IQCM: variants seen among roughly 807,000 people sequenced by gnomAD.
IQCM encodes IQ domain-containing protein M.
In IQCM, 45 loss-of-function variants were observed where a neutral mutation model predicts 57.6. The observed-to-expected ratio is 0.78, with a 90% CI of 0.62 to 1.00. The LOEUF (loss-of-function observed/expected upper bound fraction) is 1.00, where lower values mean the gene tolerates loss of function less well. Among genes scored for constraint, IQCM ranks in the 50% least tolerant of loss-of-function variants. The probability of loss-of-function intolerance (pLI) is 0.00; values close to 1 mark genes in which losing one functional copy is unlikely to be tolerated. For missense variants in IQCM, 468 were observed against 511.6 expected (o/e 0.91, Z 0.82); for synonymous variants, 148 against 158.9 (o/e 0.93, Z 0.51).
chr4:149,517,542 C>T (rs1242026454), intron 12 of IQCM, among the ~76,000 whole-genome samples: 1 of 152,094 alleles, frequency 6.6e-6, no homozygotes, highest in Non-Finnish European at 1.5e-5. Context: ...TGTATGGGTT[C>T]AAGTTGACAA....
chr4:149,504,964 G>A (rs1743638535), intron 12 of IQCM, among the ~76,000 whole-genome samples: 1 of 152,018 alleles, frequency 6.6e-6, no homozygotes, highest in African/African-American at 2.4e-5. Flanking sequence ...TATGAACCAG[G>A]AGGCAGGCAC....
At chr4:149,536,772 A>T (rs1398123604) in intron 12 of IQCM, among the ~76,000 whole-genome samples, 1 of 152,082 alleles carries the variant, frequency 6.6e-6, no homozygotes, top group Non-Finnish European at 1.5e-5. Flanking sequence ...CAAGGAAGGT[A>T]TCCATTAGTA....
At chr4:149,702,158 C>T (rs1338227736) in intron 5 of IQCM, among the ~76,000 whole-genome samples, 1 of 151,868 alleles carries the variant, frequency 6.6e-6, no homozygotes, top group African/African-American at 2.4e-5. Context: ...AAAGTCATTA[C>T]AACTGATAAC....
chr4:149,656,727 A>C (rs977825914), intron 7 of IQCM, among the ~76,000 whole-genome samples: 4 of 152,130 alleles, frequency 2.6e-5, no homozygotes, highest in African/African-American at 4.8e-5. Context: ...GCAGGTGGGA[A>C]GCCTGGAGAG....
At chr4:149,675,744 T>C (rs1270646400) in intron 7 of IQCM, among the ~76,000 whole-genome samples, 1 of 151,902 alleles carries the variant, frequency 6.6e-6, no homozygotes, top group Non-Finnish European at 1.5e-5. Flanking sequence ...ACTTGGCAAG[T>C]AGAGAGAAAT....
At chr4:149,609,100 A>G (rs1579684256) in intron 8 of IQCM, among the ~76,000 whole-genome samples, 1 of 151,904 alleles carries the variant, frequency 6.6e-6, no homozygotes, top group Admixed American at 6.6e-5. Flanking sequence ...ATCATTAGAG[A>G]TTATAATTAG....
At chr4:149,641,562 T>A (rs900837944) in intron 7 of IQCM, among the ~76,000 whole-genome samples, 1 of 152,180 alleles carries the variant, frequency 6.6e-6, no homozygotes, top group Non-Finnish European at 1.5e-5. Context: ...GGGATGTAAA[T>A]GTTCTCATTT....
At chr4:149,430,792 A>G (rs1734787453) in intron 13 of IQCM, among the ~76,000 whole-genome samples, 2 of 152,064 alleles carry the variant, frequency 1.3e-5, no homozygotes, top group Admixed American at 6.6e-5. Context: ...GTCTTTTACA[A>G]AAAGTTTTAT....
chr4:149,406,155 T>C (rs151255756), intron 13 of IQCM, among the ~76,000 whole-genome samples: 25 of 152,080 alleles, frequency 1.6e-4, no homozygotes, highest in South Asian at 1.2e-3. Context: ...GTTCTACCCT[T>C]AGCCAGGAAC....
intron 13 of IQCM, among the ~76,000 whole-genome samples, chr4:149,395,410 C>T (rs116686207): frequency 1.4e-3 from 210 of 152,018 alleles, no homozygotes; most frequent in African/African-American, 4.8e-3. Flanking sequence ...GGCAAAACAC[C>T]GGTATGTGGA....
chr4:149,756,597 G>C (rs1406529550), intron 2 of IQCM, among the ~76,000 whole-genome samples: 2 of 151,920 alleles, frequency 1.3e-5, no homozygotes, highest in Non-Finnish European at 2.9e-5. Flanking sequence ...AGTAAGCCCA[G>C]AAATTAATAT....
At chr4:149,728,616 G>A (rs1051117238) in intron 5 of IQCM, among the ~76,000 whole-genome samples, 1 of 152,132 alleles carries the variant, frequency 6.6e-6, no homozygotes, top group African/African-American at 2.4e-5. Flanking sequence ...ACACTTTTAT[G>A]GGAATCACTT....
At chr4:149,449,822 A>G (rs573871636) in intron 12 of IQCM, among the ~76,000 whole-genome samples, 233 of 151,986 alleles carry the variant, frequency 1.5e-3, no homozygotes, top group African/African-American at 5.4e-3. Context: ...CTATCAAAAT[A>G]CCAATGACAT....
chr4:149,471,364 C>A (rs1015190027), intron 12 of IQCM, among the ~76,000 whole-genome samples: 23 of 152,126 alleles, frequency 1.5e-4, no homozygotes, highest in African/African-American at 5.6e-4. Flanking sequence ...ACTAGAAAAT[C>A]TAGAAGAAAT....
At chr4:149,752,555 A>AG (rs1768556390) in intron 2 of IQCM, among the ~76,000 whole-genome samples, 1 of 151,940 alleles carries the variant, frequency 6.6e-6, no homozygotes, top group Admixed American at 6.6e-5. Flanking sequence ...TGTCTTAAAA[A>AG]AAAAAAAAAA....
intron 10 of IQCM, among the ~76,000 whole-genome samples, chr4:149,558,452 G>A (rs1458713598): frequency 6.6e-6 from 1 of 152,152 alleles, no homozygotes; most frequent in East Asian, 1.9e-4. Context: ...GAATGTACAA[G>A]ACTTTGCGAA....
At chr4:149,561,587 A>G (rs991382666) in intron 10 of IQCM, among the ~76,000 whole-genome samples, 1 of 152,172 alleles carries the variant, frequency 6.6e-6, no homozygotes, top group Admixed American at 6.6e-5. Context: ...GAATACAGAA[A>G]CAAACAAGAC....
chr4:149,739,466 AATTT>A (rs1767248011), intron 3 of IQCM, among the ~76,000 whole-genome samples: 2 of 99,622 alleles, frequency 2.0e-5, no homozygotes. Flanking sequence ...GTGTTTATAT[AATTT>A]TTTTTTTTTT....
rs951196126 is a variant in IQCM, at chr4:149,775,065, C to T, written c.-48-32326G>A. 7.9e-5 allele frequency among the ~76,000 whole-genome samples: 11 copies of T among 139,682 alleles called. No homozygotes were observed. In the South Asian group the frequency reaches 2.5e-3, roughly 32 times the overall value. The allele number at this position is 139,682 out of a possible 152,430, so 91.6% of individuals were successfully genotyped here. A position where few individuals can be genotyped will look rare whatever the true frequency, so the allele number is the denominator to read the frequency against. ...CAAAAAAAAAAAAAAAAAAAAAAAT[C>T]CAAGTTACTTTAGACAATGCAGCAA... On this transcript the variant is annotated intron_variant, in intron 2 of 13. Coordinates refer to ENST00000636793, the MANE Select transcript of IQCM (RefSeq NM_001363507.2).
Sources: allele counts gnomAD v4.1 joint callset (sites outside exome capture counted in the v4.1 genomes callset), GRCh38; gene constraint gnomAD v4.1.1; transcripts MANE v1.5; gene names NCBI Gene and HGNC (gene_info 2026-07-23, HGNC 2026-07-21).